Variants in ZNF384 observed in about 807,000 individuals in gnomAD.
ZNF384 encodes the protein zinc finger protein 384, also known as CAG repeat protein 1.
A neutral mutation model predicts 65.0 loss-of-function variants in ZNF384; 20 were observed. The observed-to-expected ratio is 0.31, with a 90% CI of 0.22 to 0.45. ZNF384 has a LOEUF of 0.45. Ranked by LOEUF, ZNF384 falls within the 20% of genes least tolerant of loss-of-function variation. ZNF384 has a pLI of 1.00. For missense variants in ZNF384, 549 were observed against 769.4 expected, an observed-to-expected ratio of 0.71 and a Z score of 3.39; for synonymous variants, 310 against 303.9, an observed-to-expected ratio of 1.02 and a Z score of -0.21.
rs549865914 is a variant in ZNF384 at position 6,667,393 on chromosome 12, C to T, written c.*321G>A. 2.0e-6 allele frequency: 1 copy of T among 492,838 alleles called. No homozygotes were observed. The highest frequency in any genetic ancestry group is 1.9e-5 in the African/African-American group (1 of 52,400). The allele number at this position is 492,838 out of a possible 1,614,324, so 30.5% of individuals were successfully genotyped here. A position where few individuals can be genotyped will look rare whatever the true frequency, so the allele number is the denominator to read the frequency against. On this transcript the variant is annotated 3_prime_UTR_variant, in exon 12 of 12. Transcript: ENST00000683879. ...GGAGGGTAAGGATAGGGTAAGTGGC[C>T]ACACTGGACAAGGTTCTATGAGGTC... is the stretch of plus-strand genomic sequence containing the variant.
chr12:6,683,471 A>G (rs972965097), intron 2 of ZNF384, among the ~76,000 whole-genome samples: 1 of 150,728 alleles, frequency 6.6e-6, no homozygotes, highest in Non-Finnish European at 1.5e-5. Context: ...TGAGCTCAGG[A>G]GTTCAAGATC....
At chr12:6,688,948 C>T (rs1305337808) in intron 1 of ZNF384, 150 bp downstream of exon 1, 1 of 152,546 alleles carries the variant, frequency 6.6e-6, no homozygotes, top group African/African-American at 2.4e-5. Context: ...TCCTTCCCAT[C>T]GCCCGCTCCT....
At chr12:6,677,093 CG>C in intron 7 of ZNF384, 73 bp downstream of exon 7, 1 of 407,712 alleles carries the variant, frequency 2.5e-6, no homozygotes. Context: ...TCCCAACAAA[CG>C]GGAGGCATAA....
intron 2 of ZNF384, among the ~76,000 whole-genome samples, chr12:6,687,339 C>T (rs893594329): frequency 3.3e-5 from 5 of 152,100 alleles, no homozygotes; most frequent in South Asian, 2.1e-4. Flanking sequence ...GTGGGAGGGA[C>T]GGCACGGTGG....
intron 11 of ZNF384, 68 bp from the exon 12 acceptor site, chr12:6,668,183 C>G: frequency 7.0e-7 from 1 of 1,438,120 alleles, no homozygotes; most frequent in Middle Eastern, 1.8e-4. Flanking sequence ...GTAACTAGCA[C>G]CCCAGGCTCT....
rs1406506546 is a variant in ZNF384 at position 6,667,293 on chromosome 12, A to G, written c.*421T>C. On this transcript the variant is annotated 3_prime_UTR_variant, in exon 12 of 12. Transcript: ENST00000683879. ...AAGAATAGAACAAGAGGCTGGTTGC[A>G]TTTGGGGCTCCCTTTTCTCTGTTAT... 2.7e-6 allele frequency: 1 copy of G among 365,868 alleles called. No individual in the cohort carries two copies. Among genetic ancestry groups the G allele is most frequent in the Admixed American group, 4.0e-5 (1 of 25,110 alleles). 22.7% of individuals were successfully genotyped at this position (365,868 alleles called of 1,614,324 possible).
intron 10 of ZNF384, 56 bp from the exon 11 acceptor site, chr12:6,669,245 C>T: frequency 6.6e-7 from 1 of 1,522,624 alleles, no homozygotes; most frequent in Non-Finnish European, 8.9e-7. Context: ...CTCCTGCCCC[C>T]TTGACCTCGA....
chr12:6,673,077 G>T lies in ZNF384; in HGVS notation c.1004+139C>A. ...ATAGCTAGGATATATAATTTCCACA[G>T]ACAGTAATAGGAGGTTGAGGCTACC... is the stretch of plus-strand genomic sequence containing the variant. On this transcript the variant is annotated intron_variant, in intron 8 of 11. Coordinates refer to ENST00000683879, the MANE Select transcript of ZNF384 (RefSeq NM_001385745.1). This position sits in a 1 kb window ranked among gnomAD's most constrained non-coding sequence, Gnocchi z 4.7. The T allele has an allele frequency of 1.3e-6, 1 of 769,712 alleles. No homozygotes were observed. Among genetic ancestry groups the T allele is most frequent in the Non-Finnish European group, 2.1e-6 (1 of 478,712 alleles). 47.7% of individuals were successfully genotyped at this position (769,712 alleles called of 1,614,324 possible).
chr12:6,670,326 G>GCCT (rs1809139199), intron 10 of ZNF384, among the ~76,000 whole-genome samples: 1 of 152,048 alleles, frequency 6.6e-6, no homozygotes, highest in Non-Finnish European at 1.5e-5. Flanking sequence ...TACTTGGGAG[G>GCCT]CTGAGGTGGA....
At chr12:6,677,999 G>T (rs1954348033) in intron 6 of ZNF384, 128 bp downstream of exon 6, 2 of 823,004 alleles carry the variant, frequency 2.4e-6, no homozygotes, top group Non-Finnish European at 1.9e-6. Context: ...CACCTGACAT[G>T]CAAGTGGCTC....
Position 6,678,503 on chromosome 12 carries a change from C to A in ZNF384, c.353-43G>T. On this transcript the variant is annotated intron_variant, in intron 5 of 11. Transcript: ENST00000683879. This position sits in a 1 kb window ranked among gnomAD's most constrained non-coding sequence, Gnocchi z 4.9. The stretch of plus-strand genomic sequence containing the variant: ...AGGAGATGGCGTCATGTTGTTCAGT[C>A]CTGATCCTAATCCTATTTCATTTCC... The A allele has an allele frequency of 1.9e-6, 3 of 1,550,760 alleles. No homozygotes were observed. The highest frequency in any genetic ancestry group is 1.4e-5 in the African/African-American group (1 of 73,740).
Position 6,678,800 on chromosome 12 carries a change from T to C in ZNF384, c.305-90A>G. On this transcript the variant is annotated intron_variant, in intron 4 of 11. Coordinates refer to ENST00000683879, the MANE Select transcript of ZNF384 (RefSeq NM_001385745.1). This position sits in a 1 kb window ranked among gnomAD's most constrained non-coding sequence, Gnocchi z 4.9. ...GTATCCCCCACAATGCCTAGCACATTGCTAGGCACACAGTAGGCACTTAAT... is the reference window on the plus strand; with the variant it reads ...GTATCCCCCACAATGCCTAGCACATCGCTAGGCACACAGTAGGCACTTAAT... The C allele has an allele frequency of 6.6e-7, 1 of 1,506,610 alleles. No individual in the cohort carries two copies. The highest frequency in any genetic ancestry group is 9.2e-7 in the Non-Finnish European group (1 of 1,086,108). The allele number at this position is 1,506,610 out of a possible 1,614,324, so 93.3% of individuals were successfully genotyped here.
chr12:6,667,911 G>A lies in ZNF384; in HGVS notation c.1630C>T (p.Gln544Ter). 1 of 1,476,874 alleles carries A rather than the reference G, an allele frequency of 6.8e-7. No homozygotes were observed. Among genetic ancestry groups the A allele is most frequent in the Non-Finnish European group, 9.2e-7 (1 of 1,081,588 alleles). The allele number at this position is 1,476,874 out of a possible 1,614,324, so 91.5% of individuals were successfully genotyped here. Residue 544 changes from glutamine to a stop codon, truncating the protein, a stop_gained, in exon 12 of 12, where the codon CAG becomes TAG. Coordinates refer to ENST00000683879, the MANE Select transcript of ZNF384 (RefSeq NM_001385745.1). LOFTEE classifies it high-confidence loss of function. ...QQQQQQQQQQ[Q>*]QQQPPPHFQS... ...AAGTGTGGTGGTGGCTGTTGCTGCT[G>A]CTGCTGCTGCTGCTGCTGCTGCTGC... is the stretch of plus-strand genomic sequence containing the variant.
chr12:6,684,391 A>AT (rs1957192150), intron 2 of ZNF384, among the ~76,000 whole-genome samples: 1 of 152,358 alleles, frequency 6.6e-6, no homozygotes, highest in South Asian at 2.1e-4. Context: ...TGTTTTCAAA[A>AT]TTGAAGTTTT....
At position 6,678,084 on chromosome 12, in the gene ZNF384, C is replaced by A; in HGVS notation, c.686+43G>T. On this transcript the variant is annotated intron_variant, in intron 6 of 11. Transcript: ENST00000683879. This position sits in a 1 kb window ranked among gnomAD's most constrained non-coding sequence, Gnocchi z 4.9. The stretch of plus-strand genomic sequence containing the variant: ...TGAGGGTACAGGGAGAATCACCAAG[C>A]CAGGGATCCTCGCCCCATCCTGCCC... The A allele has an allele frequency of 6.4e-7, 1 of 1,556,814 alleles. No homozygotes were observed. Among genetic ancestry groups the A allele is most frequent in the South Asian group, 1.2e-5 (1 of 84,818 alleles).
In ZNF384 at chr12:6,667,475, G is replaced by C; in HGVS notation, c.*239C>G. 1.6e-6 allele frequency: 1 copy of C among 620,140 alleles called. No individual in the cohort carries two copies. Among genetic ancestry groups the C allele is most frequent in the Non-Finnish European group, 2.9e-6 (1 of 348,426 alleles). 38.4% of individuals were successfully genotyped at this position (620,140 alleles called of 1,614,324 possible). On this transcript the variant is annotated 3_prime_UTR_variant, in exon 12 of 12. Transcript: ENST00000683879. ...CAGTTTTAGAAGCTTTGCTTGGGAG[G>C]GGAGGCTGCTGGATGACACCATCAG...
intron 2 of ZNF384, among the ~76,000 whole-genome samples, chr12:6,683,953 G>A (rs539956882): frequency 6.6e-6 from 1 of 152,132 alleles, no homozygotes; most frequent in South Asian, 2.1e-4. Flanking sequence ...GGAGGTGGAG[G>A]TTGCAGTGTG....
intron 2 of ZNF384, among the ~76,000 whole-genome samples, chr12:6,680,749 T>C (rs1955618972): frequency 6.6e-6 from 1 of 151,974 alleles, no homozygotes; most frequent in Non-Finnish European, 1.5e-5. Context: ...ACACCCACGG[T>C]GCTACACTGG....
Position 6,668,104 on chromosome 12 carries a change from A to G in ZNF384, c.1437T>C (p.Leu479=). ...GGTTGTGTTTGCGCATATGTTTCATAAGGTATGTTTCCTGAGGGAGATGGT... is the reference window on the plus strand; with the variant it reads ...GGTTGTGTTTGCGCATATGTTTCATGAGGTATGTTTCCTGAGGGAGATGGT... The part of the protein sequence containing the change: ...CSRAYTSETY[L]MKHMRKHNPP... The change falls in exon 12 of 12, where the codon CTT becomes CTC. Residue 479 remains leucine (L), a synonymous_variant. Transcript: ENST00000683879. The G allele has an allele frequency of 6.3e-7, 1 of 1,594,198 alleles. No homozygotes were observed.
Sources: gnomAD v4.1 joint callset for allele counts (sites outside exome capture counted in the v4.1 genomes callset) on GRCh38, gnomAD v4.1.1 for gene constraint, Gnocchi (gnomAD v3.1) non-coding constraint, MANE v1.5 for transcripts, NCBI Gene and HGNC (gene_info 2026-07-23, HGNC 2026-07-21) for gene names.